ITSN2: variants seen among roughly 807,000 people sequenced by gnomAD.
ITSN2 encodes intersectin 2, also known as intersectin-2.
ITSN2 carries 156 observed loss-of-function variants against 243.7 expected under a neutral mutation model. The observed-to-expected ratio is 0.64, with a 90% CI of 0.56 to 0.73. The LOEUF is 0.73. Ranked by LOEUF, ITSN2 falls within the 30% of genes least tolerant of loss-of-function variation. The probability of loss-of-function intolerance (pLI) is 0.00; values close to 1 mark genes in which losing one functional copy is unlikely to be tolerated. For synonymous variants in ITSN2, 703 were observed against 699.9 expected (o/e 1.00, Z -0.07); for missense variants, 1,801 against 1,996.1 (o/e 0.90, Z 1.86).
At chr2:24,261,036 T>C (rs1403530496) in intron 22 of ITSN2, 70 bp downstream of exon 22, 1 of 1,396,382 alleles carries the variant, frequency 7.2e-7, no homozygotes, top group Non-Finnish European at 9.9e-7. Flanking sequence ...CCTTTGTATA[T>C]AATTTTCATT....
In ITSN2 at chr2:24,204,660, G is replaced by C. The variant is rs929536584; in HGVS notation, c.4763-242C>G. The C allele has an allele frequency of 3.2e-6, 2 of 620,292 alleles. No homozygotes were observed. The highest frequency in any genetic ancestry group is 6.0e-6 in the Non-Finnish European group (2 of 332,756). The allele number at this position is 620,292 out of a possible 1,614,324, so 38.4% of individuals were successfully genotyped here. On this transcript the variant is annotated intron_variant, in intron 38 of 39. Transcript: ENST00000355123. This position sits in a 1 kb window ranked among gnomAD's most constrained non-coding sequence, Gnocchi z 5.1. ...CTCCACCGCCAGGACCACTCCGCAC[G>C]GAACAATCCTGGGTGAGTGTCACTG...
intron 37 of ITSN2, among the ~76,000 whole-genome samples, chr2:24,207,700 G>GGCCACTGGT (rs1436674630): frequency 1.3e-5 from 2 of 151,986 alleles, no homozygotes; most frequent in Non-Finnish European, 2.9e-5. Flanking sequence ...CCACTAACTA[G>GGCCACTGGT]GCCACTGGTG....
At chr2:24,349,810 G>A (rs1687872675) in intron 1 of ITSN2, among the ~76,000 whole-genome samples, 1 of 152,074 alleles carries the variant, frequency 6.6e-6, no homozygotes, top group East Asian at 1.9e-4. Flanking sequence ...AATGTAACAA[G>A]TACACAAGAG....
intron 22 of ITSN2, among the ~76,000 whole-genome samples, chr2:24,260,480 G>A (rs553242700): frequency 8.2e-5 from 12 of 146,720 alleles, no homozygotes; most frequent in Middle Eastern, 3.6e-3. Context: ...AAAAAAAACC[G>A]TCAAGCCCAA....
intron 15 of ITSN2, 82 bp from the exon 16 acceptor site, chr2:24,286,433 T>C (rs964179691): frequency 2.2e-5 from 25 of 1,157,232 alleles, no homozygotes; most frequent in Middle Eastern, 4.2e-4. Context: ...TTTGGTCAGA[T>C]TGATGTAACT....
intron 18 of ITSN2, among the ~76,000 whole-genome samples, chr2:24,275,250 G>T (rs778195766): frequency 1.3e-5 from 2 of 152,216 alleles, no homozygotes; most frequent in South Asian, 4.1e-4. Flanking sequence ...ACAAGGTCTT[G>T]CTATGTTGCC....
In ITSN2 at chr2:24,209,145, T is replaced by C. The variant is rs753148244; in HGVS notation, c.4550A>G (p.His1517Arg). 2.8e-5 allele frequency: 45 copies of C among 1,613,802 alleles called. No homozygotes were observed. The highest frequency in any genetic ancestry group is 6.7e-5 in the Admixed American group (4 of 59,992). Residue 1517 changes from histidine to arginine, a missense_variant, in exon 36 of 40, where the codon CAC (histidine) becomes CGC (arginine). Physicochemically the swap from His to Arg is conservative, Grantham distance 29. This residue lies in a region of ITSN2 where 928 missense variants were observed against 1,065.4 expected (regional missense o/e 0.87). Transcript: ENST00000355123. ...TCGGAGGGTGTAGACCCGATCAATGTGGGAAATGTGGAAGACAGGCTCATC... is the reference window on the plus strand; with the variant it reads ...TCGGAGGGTGTAGACCCGATCAATGCGGGAAATGTGGAAGACAGGCTCATC... Reference protein sequence around the residue: ...SSDEPVFHISHIDRVYTLRTD... With the variant: ...SSDEPVFHISRIDRVYTLRTD...
chr2:24,217,400 C>T (rs575847317), intron 31 of ITSN2, among the ~76,000 whole-genome samples: 1 of 152,238 alleles, frequency 6.6e-6, no homozygotes, highest in South Asian at 2.1e-4. Flanking sequence ...AAAAAGGGAG[C>T]AGGAGCTGCA....
At chr2:24,260,199 G>A (rs1048702984) in intron 22 of ITSN2, among the ~76,000 whole-genome samples, 11 of 152,222 alleles carry the variant, frequency 7.2e-5, no homozygotes, top group Admixed American at 6.5e-4. Context: ...GGGATTATAG[G>A]CACTGAGTCA....
chr2:24,317,165 G>T (rs1281811320), intron 2 of ITSN2, among the ~76,000 whole-genome samples: 1 of 152,212 alleles, frequency 6.6e-6, no homozygotes, highest in Non-Finnish European at 1.5e-5. Context: ...CGGATCACCT[G>T]AGGTCAGGAG....
Position 24,315,139 on chromosome 2 carries a change from G to A in ITSN2, c.117C>T (p.Tyr39=). ...CTAATTATAAATACAAACCTGTTAT[G>A]TAACCTCCTGAAGGTTTGAGGTTAT... ...QFDNLKPSGG[Y]ITGDQARNFF... The change falls in exon 3 of 40, where the codon TAC becomes TAT. Residue 39 remains tyrosine (Y), a synonymous_variant. Coordinates refer to ENST00000355123, the MANE Select transcript of ITSN2 (RefSeq NM_006277.3). The A allele has an allele frequency of 4.4e-6, 7 of 1,577,392 alleles. No homozygotes were observed. The highest frequency in any genetic ancestry group is 1.1e-5 in the South Asian group (1 of 89,536).
chr2:24,330,582 T>G (rs1319811127), intron 1 of ITSN2: 7 of 852,636 alleles, frequency 8.2e-6, no homozygotes, highest in Non-Finnish European at 1.4e-5. Flanking sequence ...GGGAAAAGCT[T>G]ATGCTGGCAA....
chr2:24,301,241 TA>T lies in ITSN2; in HGVS notation c.996-3del, dbSNP rs756064821. On this transcript the variant is annotated splice_region_variant and splice_polypyrimidine_tract_variant and intron_variant, in intron 10 of 39. Coordinates refer to ENST00000355123, the MANE Select transcript of ITSN2 (RefSeq NM_006277.3). ...ATGGAATCAATTTGCTTTCCTCCTC[TA>T]AAAAAATCAAACAACAAAGTTAGCA... is the stretch of plus-strand genomic sequence containing the variant. 6 of 1,594,144 alleles carry T rather than the reference TA, an allele frequency of 3.8e-6. No homozygotes were observed. The highest frequency in any genetic ancestry group is 4.3e-6 in the Non-Finnish European group (5 of 1,165,136).
chr2:24,359,937 C>G (rs1688797605), intron 1 of ITSN2, among the ~76,000 whole-genome samples: 1 of 152,192 alleles, frequency 6.6e-6, no homozygotes, highest in Admixed American at 6.5e-5. Context: ...GAGCTCTCTT[C>G]TGCTCACACC....
chr2:24,221,226 G>A (rs778715611), intron 29 of ITSN2, 160 bp from the exon 30 acceptor site: 39 of 680,350 alleles, frequency 5.7e-5, no homozygotes, highest in Admixed American at 1.1e-4. Flanking sequence ...ATGCGTACGC[G>A]GAGAGTTGGC....
At chr2:24,299,056 A>G (rs1382803714) in intron 12 of ITSN2, among the ~76,000 whole-genome samples, 1 of 126,980 alleles carries the variant, frequency 7.9e-6, no homozygotes, top group Non-Finnish European at 1.6e-5. Context: ...TCCAGACAGC[A>G]TCTTGCTCTG....
At chr2:24,344,740 T>A (rs1574386645) in intron 1 of ITSN2, among the ~76,000 whole-genome samples, 1 of 152,236 alleles carries the variant, frequency 6.6e-6, no homozygotes, top group Admixed American at 6.5e-5. Flanking sequence ...TCACCTGAGG[T>A]CAGGAGTTCA....
At chr2:24,210,635 G>GA (rs1315983719) in intron 34 of ITSN2, 145 bp downstream of exon 34, 209 of 336,600 alleles carry the variant, frequency 6.2e-4, no homozygotes, top group Middle Eastern at 1.7e-3. Flanking sequence ...AAAAAAAAAA[G>GA]AAAAAAAAAT....
At position 24,251,257 on chromosome 2, in the gene ITSN2, G is replaced by A. The variant is rs1172963873; in HGVS notation, c.3120+1088C>T. ...CGAGAATTGCTTGAACCTGGGAGGCGGAGCTGTAGTGAGCCGAGATCCAGC... is the reference window on the plus strand; with the variant it reads ...CGAGAATTGCTTGAACCTGGGAGGCAGAGCTGTAGTGAGCCGAGATCCAGC... On this transcript the variant is annotated intron_variant, in intron 25 of 39. Coordinates refer to ENST00000355123, the MANE Select transcript of ITSN2 (RefSeq NM_006277.3). Among the ~76,000 whole-genome samples the A allele has an allele frequency of 1.7e-4, 24 of 139,874 alleles. 1 individual carries two copies. The highest frequency in any genetic ancestry group is 1.2e-3 in the Admixed American group (16 of 13,298). 91.8% of individuals were successfully genotyped at this position (139,874 alleles called of 152,430 possible). A position where few individuals can be genotyped will look rare whatever the true frequency, so the allele number is the denominator to read the frequency against.
Sources: gnomAD v4.1 joint callset for allele counts (sites outside exome capture counted in the v4.1 genomes callset) on GRCh38, gnomAD v4.1.1 for gene constraint, gnomAD v4.1.1 regional missense constraint, Gnocchi (gnomAD v3.1) non-coding constraint, MANE v1.5 for transcripts, NCBI Gene and HGNC (gene_info 2026-07-23, HGNC 2026-07-21) for gene names.